Variants in KCNIP4 observed in about 807,000 individuals in gnomAD.
The protein encoded by KCNIP4 is Kv channel-interacting protein 4.
KCNIP4 carries 12 observed loss-of-function variants against 34.0 expected under a neutral mutation model. The observed-to-expected ratio is 0.35, with a 90% CI of 0.23 to 0.57. The LOEUF is 0.57. Ranked by LOEUF, KCNIP4 falls within the 20% of genes least tolerant of loss-of-function variation. The probability of loss-of-function intolerance (pLI) is 0.83; values close to 1 mark genes in which losing one functional copy is unlikely to be tolerated. For synonymous variants in KCNIP4, 124 were observed against 102.2 expected (o/e 1.21, Z -1.29); for missense variants, 238 against 311.7 (o/e 0.76, Z 1.78).
chr4:21,312,557 T>C (rs946705134), intron 1 of KCNIP4, among the ~76,000 whole-genome samples: 3 of 152,234 alleles, frequency 2.0e-5, no homozygotes, highest in Admixed American at 1.3e-4. Flanking sequence ...TTGACATGGT[T>C]AAGAATAGAC....
chr4:21,883,809 A>G (rs1471686726), intron 1 of KCNIP4, among the ~76,000 whole-genome samples: 1 of 152,110 alleles, frequency 6.6e-6, no homozygotes, highest in Non-Finnish European at 1.5e-5. Context: ...GCAATCACTC[A>G]ATAGCTTATT....
chr4:21,081,479 G>A (rs548163685), intron 1 of KCNIP4, among the ~76,000 whole-genome samples: 2 of 151,504 alleles, frequency 1.3e-5, no homozygotes, highest in Admixed American at 6.6e-5. Context: ...CATTAACTTC[G>A]GTAGTATGTT....
intron 1 of KCNIP4, among the ~76,000 whole-genome samples, chr4:21,725,796 T>C (rs1195368304): frequency 6.6e-6 from 1 of 152,112 alleles, no homozygotes; most frequent in East Asian, 1.9e-4. Flanking sequence ...TGATTTCAAG[T>C]TACAAGAAAA....
chr4:21,612,504 A>G (rs1744234406), intron 1 of KCNIP4, among the ~76,000 whole-genome samples: 1 of 152,248 alleles, frequency 6.6e-6, no homozygotes, highest in Non-Finnish European at 1.5e-5. Context: ...GGAATTTTAA[A>G]GGAGAAGTCT....
At chr4:21,431,077 T>C (rs747834342) in intron 1 of KCNIP4, among the ~76,000 whole-genome samples, 3 of 151,900 alleles carry the variant, frequency 2.0e-5, no homozygotes, top group Admixed American at 6.6e-5. Context: ...GAGGCTGAGG[T>C]TGATTGTCAC....
At chr4:20,798,690 C>T (rs574347971) in intron 3 of KCNIP4, among the ~76,000 whole-genome samples, 7 of 152,232 alleles carry the variant, frequency 4.6e-5, no homozygotes, top group South Asian at 2.1e-4. Context: ...ACCTCGCCTC[C>T]GCCACTCCAT....
intron 1 of KCNIP4, among the ~76,000 whole-genome samples, chr4:21,474,067 C>T (rs963827872): frequency 6.6e-6 from 1 of 152,090 alleles, no homozygotes; most frequent in Non-Finnish European, 1.5e-5. Flanking sequence ...TTTAACAGGG[C>T]TGTGGAGTAA....
rs200103742 is a variant in KCNIP4 at position 20,850,686 on chromosome 4, A to G, written c.164-19T>C. On this transcript the variant is annotated intron_variant, in intron 2 of 8. Coordinates refer to ENST00000382152, the MANE Select transcript of KCNIP4 (RefSeq NM_025221.6). ...ACGCTGTCTGTGGAGGAAAACAAGAAAGAGTCTTAGGACCAGCCACTGCTC... is the reference window on the plus strand; with the variant it reads ...ACGCTGTCTGTGGAGGAAAACAAGAGAGAGTCTTAGGACCAGCCACTGCTC... 1.6e-4 allele frequency: 259 copies of G among 1,610,130 alleles called. No homozygotes were observed. In the African/African-American group the frequency reaches 3.3e-3, roughly 21 times the overall value.
chr4:20,930,475 A>T (rs1433007409), intron 1 of KCNIP4, among the ~76,000 whole-genome samples: 1 of 152,082 alleles, frequency 6.6e-6, no homozygotes, highest in Non-Finnish European at 1.5e-5. Flanking sequence ...ATATCACACC[A>T]AAAGCTTAGG....
intron 1 of KCNIP4, among the ~76,000 whole-genome samples, chr4:21,737,022 A>AT (rs890977794): frequency 3.6e-5 from 4 of 109,946 alleles, no homozygotes; most frequent in African/African-American, 1.1e-4. Context: ...TATAATAATA[A>AT]TAAAAAAAAG....
rs552738225 is a variant in KCNIP4 at position 21,597,534 on chromosome 4, G to A, written c.61+351037C>T. Among the ~76,000 whole-genome samples, 3 of 152,230 alleles carry A rather than the reference G, an allele frequency of 2.0e-5. No homozygotes were observed. The East Asian group carries it at 5.8e-4, about 30-fold the overall frequency. ...ATGAAAGCCAGGCTTGTCTCAGAAAGCTGAGGGGAGGGCCACATCACCAAA... is the reference window on the plus strand; with the variant it reads ...ATGAAAGCCAGGCTTGTCTCAGAAAACTGAGGGGAGGGCCACATCACCAAA... On this transcript the variant is annotated intron_variant, in intron 1 of 8. Coordinates refer to ENST00000382152, the MANE Select transcript of KCNIP4 (RefSeq NM_025221.6).
rs755832547 is a variant in KCNIP4 at position 21,146,391 on chromosome 4, C to T, written c.62-263682G>A. On this transcript the variant is annotated intron_variant, in intron 1 of 8. Transcript: ENST00000382152. ...CCAGCCTGGGCGACAGAGCGAGACT[C>T]GTCTCAAAAAAAAGAAAAAAAAAAG... Among the ~76,000 whole-genome samples, 42 of 142,530 alleles carry T rather than the reference C, an allele frequency of 2.9e-4. 1 individual carries two copies. Among genetic ancestry groups the T allele is most frequent in the Non-Finnish European group, 2.8e-4 (18 of 65,324 alleles). 93.5% of individuals were successfully genotyped at this position (142,530 alleles called of 152,430 possible).
At chr4:21,373,355 T>A (rs997765992) in intron 1 of KCNIP4, among the ~76,000 whole-genome samples, 18 of 146,468 alleles carry the variant, frequency 1.2e-4, no homozygotes, top group Non-Finnish European at 2.5e-4. Flanking sequence ...AGATAAAATA[T>A]AAAAAAAATT....
At chr4:21,197,980 G>A (rs901708397) in intron 1 of KCNIP4, among the ~76,000 whole-genome samples, 1 of 151,942 alleles carries the variant, frequency 6.6e-6, no homozygotes. Context: ...TCATTTGAGG[G>A]GCAACAATAT....
chr4:21,241,361 A>G (rs1759800253), intron 1 of KCNIP4, among the ~76,000 whole-genome samples: 1 of 152,164 alleles, frequency 6.6e-6, no homozygotes, highest in South Asian at 2.1e-4. Flanking sequence ...TCAGTTAAAG[A>G]TGTTATTTTG....
chr4:21,716,584 C>T (rs1714401341), intron 1 of KCNIP4, among the ~76,000 whole-genome samples: 1 of 152,040 alleles, frequency 6.6e-6, no homozygotes, highest in Non-Finnish European at 1.5e-5. Context: ...CGGCTAGTTC[C>T]TTAAAACCCT....
chr4:21,147,560 T>A (rs1224017170), intron 1 of KCNIP4, among the ~76,000 whole-genome samples: 2 of 152,278 alleles, frequency 1.3e-5, no homozygotes, highest in Admixed American at 6.5e-5. Flanking sequence ...TCAAAGTTTT[T>A]AAAAATGTAT....
At chr4:21,085,874 A>T (rs1746382599) in intron 1 of KCNIP4, among the ~76,000 whole-genome samples, 1 of 152,202 alleles carries the variant, frequency 6.6e-6, no homozygotes, top group South Asian at 2.1e-4. Flanking sequence ...AAGATAAGGC[A>T]TCTATCCTTC....
intron 1 of KCNIP4, among the ~76,000 whole-genome samples, chr4:21,513,783 A>T (rs1016731439): frequency 2.0e-5 from 3 of 152,194 alleles, no homozygotes; most frequent in African/African-American, 4.8e-5. Context: ...GCTGTCATTT[A>T]GATAACCACA....
Sources: gnomAD v4.1 joint callset for allele counts (sites outside exome capture counted in the v4.1 genomes callset) on GRCh38, gnomAD v4.1.1 for gene constraint, MANE v1.5 for transcripts, NCBI Gene and HGNC (gene_info 2026-07-23, HGNC 2026-07-21) for gene names.